DDAH1: variants seen among roughly 807,000 people sequenced by gnomAD.
The protein encoded by DDAH1 is N(G),N(G)-dimethylarginine dimethylaminohydrolase 1.
DDAH1 carries 19 observed loss-of-function variants against 28.8 expected under a neutral mutation model. That is an observed-to-expected ratio of 0.66 (90% CI 0.46 to 0.97). The LOEUF (loss-of-function observed/expected upper bound fraction) is 0.97. Among genes scored for constraint, DDAH1 ranks in the 50% least tolerant of loss-of-function variants. The pLI is 0.00. For synonymous variants in DDAH1, 153 were observed against 154.4 expected (o/e 0.99, Z 0.07); for missense variants, 326 against 375.9 (o/e 0.87, Z 1.10).
intron 2 of DDAH1, among the ~76,000 whole-genome samples, chr1:85,483,790 A>C (rs896627009): frequency 6.6e-6 from 1 of 152,164 alleles, no homozygotes; most frequent in African/African-American, 2.4e-5. Flanking sequence ...CAGCCTGTGA[A>C]AGATGCATCT....
intron 1 of DDAH1, chr1:85,379,683 T>C (rs1199160490): frequency 1.0e-6 from 1 of 985,292 alleles, no homozygotes; most frequent in Non-Finnish European, 1.2e-6. Flanking sequence ...TTTGTTGACC[T>C]TATATTCACT....
chr1:85,494,838 C>T (rs931267870), intron 2 of DDAH1: 1 of 152,270 alleles, frequency 6.6e-6, no homozygotes, highest in African/African-American at 2.4e-5. Flanking sequence ...CAGGCAGAAT[C>T]ATATCTTTGT....
chr1:85,323,714 A>C (rs917530181), intron 5 of DDAH1, among the ~76,000 whole-genome samples: 1 of 152,152 alleles, frequency 6.6e-6, no homozygotes, highest in Admixed American at 6.5e-5. Flanking sequence ...GTGGTGGCTC[A>C]TGCCTGTGCA....
chr1:85,571,757 T>C (rs1659459580), intron 1 of DDAH1, among the ~76,000 whole-genome samples: 1 of 150,944 alleles, frequency 6.6e-6, no homozygotes, highest in Non-Finnish European at 1.5e-5. Context: ...ACATATTGCC[T>C]TTGTCCTTTT....
chr1:85,401,300 G>A (rs866625504), intron 1 of DDAH1, among the ~76,000 whole-genome samples: 1 of 151,984 alleles, frequency 6.6e-6, no homozygotes, highest in Non-Finnish European at 1.5e-5. Flanking sequence ...TTCATTATTG[G>A]TATCTTCTTT....
At chr1:85,477,194 A>C (rs1327342595) in intron 2 of DDAH1, among the ~76,000 whole-genome samples, 1 of 152,178 alleles carries the variant, frequency 6.6e-6, no homozygotes, top group Non-Finnish European at 1.5e-5. Flanking sequence ...GGAATTTAGC[A>C]TGTTGGAGGA....
At chr1:85,517,863 C>T (rs1476709529) in intron 1 of DDAH1, among the ~76,000 whole-genome samples, 1 of 152,172 alleles carries the variant, frequency 6.6e-6, no homozygotes, top group Admixed American at 6.5e-5. Context: ...ATGCTGGCTA[C>T]TCACTGGGCC....
chr1:85,416,782 C>A (rs1270575278), intron 1 of DDAH1, among the ~76,000 whole-genome samples: 1 of 152,064 alleles, frequency 6.6e-6, no homozygotes, highest in Non-Finnish European at 1.5e-5. Flanking sequence ...ATCCTCTCAT[C>A]TCAGTCTTCT....
intron 4 of DDAH1, among the ~76,000 whole-genome samples, chr1:85,325,364 C>T (rs199997048): frequency 3.3e-5 from 5 of 150,928 alleles, no homozygotes; most frequent in Admixed American, 6.6e-5. Flanking sequence ...TGCGCGCGCG[C>T]GCGCACACAC....
intron 4 of DDAH1, 91 bp from the exon 5 acceptor site, chr1:85,324,974 C>T: frequency 1.3e-6 from 2 of 1,489,158 alleles, no homozygotes; most frequent in Non-Finnish European, 1.8e-6. Flanking sequence ...AAGCTTGGAA[C>T]TGACACTTTA....
chr1:85,563,399 T>A (rs1306986764), intron 1 of DDAH1, among the ~76,000 whole-genome samples: 1 of 152,146 alleles, frequency 6.6e-6, no homozygotes, highest in East Asian at 1.9e-4. Flanking sequence ...GCAGCCAGAG[T>A]GGAAAACTTC....
chr1:85,554,286 T>TTA (rs1658896367), intron 1 of DDAH1, among the ~76,000 whole-genome samples: 1 of 150,250 alleles, frequency 6.7e-6, no homozygotes, highest in African/African-American at 2.4e-5. Flanking sequence ...GTTTTTTTTT[T>TTA]TTTTTTTTTT....
At chr1:85,517,174 G>A (rs1295664102) in intron 1 of DDAH1, among the ~76,000 whole-genome samples, 8 of 151,142 alleles carry the variant, frequency 5.3e-5, no homozygotes, top group African/African-American at 1.7e-4. Context: ...ATAAATAGGA[G>A]GTGTTATTAT....
intron 1 of DDAH1, among the ~76,000 whole-genome samples, chr1:85,508,496 C>T (rs1570621929): frequency 1.3e-5 from 2 of 152,132 alleles, no homozygotes; most frequent in Admixed American, 1.3e-4. Context: ...CCATGGAGGG[C>T]AAGCTGAAGC....
intron 2 of DDAH1, among the ~76,000 whole-genome samples, chr1:85,491,004 A>G (rs1656379257): frequency 6.6e-6 from 1 of 151,100 alleles, no homozygotes; most frequent in African/African-American, 2.4e-5. Flanking sequence ...TTGCTTGCCC[A>G]ATACACTTCC....
At chr1:85,495,001 A>T (rs767918701) in intron 2 of DDAH1, 3 of 152,198 alleles carry the variant, frequency 2.0e-5, no homozygotes. Flanking sequence ...CATTTCCCAT[A>T]CAATGTCCTG....
intron 1 of DDAH1, among the ~76,000 whole-genome samples, chr1:85,371,948 A>G (rs1570447494): frequency 6.6e-6 from 1 of 152,208 alleles, no homozygotes; most frequent in East Asian, 1.9e-4. Flanking sequence ...CCTGGGTTTG[A>G]GCATGATATG....
intron 1 of DDAH1, among the ~76,000 whole-genome samples, chr1:85,381,130 C>T (rs765034917): frequency 3.3e-5 from 5 of 150,364 alleles, no homozygotes; most frequent in Admixed American, 1.3e-4. Context: ...CCCAGCTACT[C>T]GGGTGAGACA....
intron 1 of DDAH1, among the ~76,000 whole-genome samples, chr1:85,372,594 A>C (rs563499839): frequency 7.2e-5 from 11 of 152,204 alleles, no homozygotes; most frequent in African/African-American, 2.6e-4. Context: ...TCTCCTTTTA[A>C]AAAAGTTATT....
Sources: gnomAD v4.1 joint callset for allele counts (sites outside exome capture counted in the v4.1 genomes callset) on GRCh38, gnomAD v4.1.1 for gene constraint, MANE v1.5 for transcripts, NCBI Gene and HGNC (gene_info 2026-07-23, HGNC 2026-07-21) for gene names.